Variants in GALNT18 observed in about 807,000 individuals in gnomAD.
GALNT18 encodes the protein polypeptide N-acetylgalactosaminyltransferase 18.
A neutral mutation model predicts 69.5 loss-of-function variants in GALNT18; 44 were observed. The observed-to-expected ratio is 0.63, with a 90% confidence interval of 0.50 to 0.81. GALNT18 has a LOEUF of 0.81. Among genes scored for constraint, GALNT18 ranks in the 40% least tolerant of loss-of-function variants. The probability of loss-of-function intolerance (pLI) is 0.00; values close to 1 mark genes in which losing one functional copy is unlikely to be tolerated. For missense variants in GALNT18, 715 were observed against 810.0 expected, an observed-to-expected ratio of 0.88 and a Z score of 1.42; for synonymous variants, 364 against 318.2, an observed-to-expected ratio of 1.14 and a Z score of -1.53.
chr11:11,508,862 G>A (rs149840922), intron 1 of GALNT18, among the ~76,000 whole-genome samples: 7 of 152,290 alleles, frequency 4.6e-5, no homozygotes, highest in African/African-American at 1.7e-4. Flanking sequence ...TAAATGCTAT[G>A]CAAGGGTGGT....
intron 10 of GALNT18, among the ~76,000 whole-genome samples, chr11:11,273,702 A>C (rs1416804882): frequency 6.6e-6 from 1 of 152,236 alleles, no homozygotes; most frequent in East Asian, 1.9e-4. Flanking sequence ...GTATATACCC[A>C]AAAGAAAGGA....
intron 10 of GALNT18, among the ~76,000 whole-genome samples, chr11:11,289,007 C>T (rs997574220): frequency 6.6e-6 from 1 of 152,160 alleles, no homozygotes; most frequent in African/African-American, 2.4e-5. Flanking sequence ...GTAAAAGCTC[C>T]TTTCAGCCCA....
rs567760724 is a variant in GALNT18, at chr11:11,564,513, A to G, written c.235+56846T>C. On this transcript the variant is annotated intron_variant, in intron 1 of 10. Transcript: ENST00000227756. The surrounding 1 kb of genome is among the most constrained non-coding windows in gnomAD (Gnocchi z 4.3). ...TCTTCCCCACGGCCCTATGCATTTT[A>G]TCTGCCTTATTTGAGGGCTGAAAGA... Among the ~76,000 whole-genome samples, 5 of 152,290 alleles carry G rather than the reference A, an allele frequency of 3.3e-5. No homozygotes were observed. In the South Asian group the frequency reaches 1.0e-3, roughly 32 times the overall value.
rs373338681 is a variant in GALNT18, at chr11:11,335,693, G to A, written c.1279-2862C>T. 1.1e-4 allele frequency among the ~76,000 whole-genome samples: 16 copies of A among 152,262 alleles called. No individual in the cohort carries two copies. In the East Asian group the frequency reaches 2.9e-3, roughly 28 times the overall value. Reference sequence around the variant, plus strand: ...ATTATGACTGTATGTGACTATATATGACTAAAATGACTGATATCTTTATAA... The same window carrying A: ...ATTATGACTGTATGTGACTATATATAACTAAAATGACTGATATCTTTATAA... On this transcript the variant is annotated intron_variant, in intron 7 of 10. Coordinates refer to ENST00000227756, the MANE Select transcript of GALNT18 (RefSeq NM_198516.3).
intron 1 of GALNT18, among the ~76,000 whole-genome samples, chr11:11,609,133 A>G (rs1859825867): frequency 6.6e-6 from 1 of 152,218 alleles, no homozygotes; most frequent in African/African-American, 2.4e-5. Context: ...AGAAGTACCC[A>G]GGAAGCAGCC....
At chr11:11,419,537 CA>C (rs1340785863) in intron 3 of GALNT18, among the ~76,000 whole-genome samples, 1 of 129,532 alleles carries the variant, frequency 7.7e-6, no homozygotes, top group East Asian at 2.3e-4. Context: ...GCAGAGGTTG[CA>C]GTGAGCTGAG....
At chr11:11,567,021 C>T (rs913730241) in intron 1 of GALNT18, among the ~76,000 whole-genome samples, 3 of 152,228 alleles carry the variant, frequency 2.0e-5, no homozygotes, top group Non-Finnish European at 4.4e-5. Context: ...CCTTACCCAA[C>T]AGCCTGGAGG....
chr11:11,397,347 G>A (rs1564928364), intron 3 of GALNT18, among the ~76,000 whole-genome samples: 2 of 152,164 alleles, frequency 1.3e-5, no homozygotes, highest in Non-Finnish European at 2.9e-5. Context: ...GAAATCTGTG[G>A]ATTGTAGGCT....
intron 3 of GALNT18, among the ~76,000 whole-genome samples, chr11:11,414,806 A>G (rs1854816404): frequency 6.6e-6 from 1 of 152,192 alleles, no homozygotes; most frequent in Admixed American, 6.5e-5. Flanking sequence ...AAAATACTGT[A>G]AACTGAGCAG....
intron 9 of GALNT18, among the ~76,000 whole-genome samples, chr11:11,294,829 C>A (rs1243471767): frequency 6.6e-6 from 1 of 152,096 alleles, no homozygotes; most frequent in East Asian, 1.9e-4. Flanking sequence ...CTTCTCCTCA[C>A]ATTGCCAAAG....
intron 1 of GALNT18, among the ~76,000 whole-genome samples, chr11:11,483,108 G>A (rs1240387499): frequency 6.6e-6 from 1 of 152,202 alleles, no homozygotes. Context: ...CTGAAATCCT[G>A]AGCACCTTCC....
Position 11,590,165 on chromosome 11 carries a change from T to C in GALNT18, c.235+31194A>G, listed in dbSNP as rs1488135880. 6.6e-6 allele frequency among the ~76,000 whole-genome samples: 1 copy of C among 152,234 alleles called. No homozygotes were observed. Among genetic ancestry groups the C allele is most frequent in the African/African-American group, 2.4e-5 (1 of 41,450 alleles). The stretch of plus-strand genomic sequence containing the variant: ...AACCAGGTAGACTACATTTCCCAGC[T>C]TCCCTTGCAGTCAGCGGCTGCTACA... On this transcript the variant is annotated intron_variant, in intron 1 of 10. Transcript: ENST00000227756. This position sits in a 1 kb window ranked among gnomAD's most constrained non-coding sequence, Gnocchi z 4.4.
intron 1 of GALNT18, among the ~76,000 whole-genome samples, chr11:11,527,837 A>G (rs560627642): frequency 3.3e-5 from 5 of 152,290 alleles, no homozygotes; most frequent in Non-Finnish European, 5.9e-5. Context: ...GAATAGTAAG[A>G]GACTGTTAAA....
At chr11:11,298,273 A>G (rs1564885753) in intron 9 of GALNT18, among the ~76,000 whole-genome samples, 1 of 152,360 alleles carries the variant, frequency 6.6e-6, no homozygotes, top group East Asian at 1.9e-4. Context: ...AAGAAAACAC[A>G]CATAGTTTTG....
chr11:11,385,542 G>C (rs979288953), intron 3 of GALNT18, among the ~76,000 whole-genome samples: 2 of 152,006 alleles, frequency 1.3e-5, no homozygotes, highest in African/African-American at 4.8e-5. Context: ...TGATCTGCCC[G>C]CCTCGGCCTC....
At chr11:11,330,663 A>G (rs1850001831) in intron 8 of GALNT18, among the ~76,000 whole-genome samples, 1 of 152,246 alleles carries the variant, frequency 6.6e-6, no homozygotes, top group South Asian at 2.1e-4. Flanking sequence ...CTCTGGACTC[A>G]GACAGATCTA....
intron 10 of GALNT18, among the ~76,000 whole-genome samples, chr11:11,274,031 G>A (rs1848882867): frequency 6.6e-6 from 1 of 152,128 alleles, no homozygotes; most frequent in Admixed American, 6.5e-5. Flanking sequence ...AGCCCACGGA[G>A]GACAAGCTGA....
intron 1 of GALNT18, among the ~76,000 whole-genome samples, chr11:11,567,365 C>A (rs1006127116): frequency 6.6e-6 from 1 of 152,200 alleles, no homozygotes; most frequent in African/African-American, 2.4e-5. Flanking sequence ...TTAAAGAAGG[C>A]ATCCATTGAT....
intron 6 of GALNT18, among the ~76,000 whole-genome samples, chr11:11,363,937 T>C (rs949146649): frequency 1.3e-5 from 2 of 150,756 alleles, no homozygotes; most frequent in African/African-American, 5.0e-5. Flanking sequence ...AGGCTCCCAA[T>C]GGACAAAGGT....
Sources: allele counts gnomAD v4.1 joint callset (sites outside exome capture counted in the v4.1 genomes callset), GRCh38; gene constraint gnomAD v4.1.1; non-coding constraint Gnocchi (gnomAD v3.1); transcripts MANE v1.5; gene names NCBI Gene and HGNC (gene_info 2026-07-23, HGNC 2026-07-21).